NR3C2: variants seen among roughly 807,000 people sequenced by gnomAD.
The protein encoded by NR3C2 is mineralocorticoid receptor.
NR3C2 carries 15 observed loss-of-function variants against 86.4 expected under a neutral mutation model. That is an observed-to-expected ratio of 0.17 (90% CI 0.12 to 0.27). The LOEUF is 0.27. Among genes scored for constraint, NR3C2 ranks in the 10% least tolerant of loss-of-function variants. NR3C2 has a pLI of 1.00. For missense variants in NR3C2, 960 were observed against 1,195.6 expected, an observed-to-expected ratio of 0.80 and a Z score of 2.91; for synonymous variants, 458 against 450.5, an observed-to-expected ratio of 1.02 and a Z score of -0.21.
At chr4:148,241,180 C>T (rs554156473) in intron 3 of NR3C2, among the ~76,000 whole-genome samples, 22 of 151,442 alleles carry the variant, frequency 1.5e-4, no homozygotes, top group Non-Finnish European at 2.5e-4. Flanking sequence ...GTGGCGCACA[C>T]CTGTAGTCCC....
intron 2 of NR3C2, among the ~76,000 whole-genome samples, chr4:148,379,844 A>G (rs1746874042): frequency 6.8e-6 from 1 of 147,046 alleles, no homozygotes; most frequent in South Asian, 2.1e-4. Flanking sequence ...ATGCTCACTT[A>G]TTAAGTCCAT....
intron 4 of NR3C2, among the ~76,000 whole-genome samples, chr4:148,158,017 T>C (rs1025973968): frequency 1.3e-5 from 2 of 152,210 alleles, no homozygotes; most frequent in African/African-American, 4.8e-5. Context: ...ATTTTTAAAC[T>C]TCAATAATTA....
chr4:148,421,710 GATGT>G (rs1278393958), intron 2 of NR3C2, among the ~76,000 whole-genome samples: 1 of 152,040 alleles, frequency 6.6e-6, no homozygotes, highest in African/African-American at 2.4e-5. Flanking sequence ...CAGAATACTA[GATGT>G]ATTTATTCCC....
intron 2 of NR3C2, among the ~76,000 whole-genome samples, chr4:148,428,894 A>C (rs978234773): frequency 8.5e-5 from 13 of 152,150 alleles, no homozygotes; most frequent in African/African-American, 2.9e-4. Context: ...CAATATTTCC[A>C]TAACAACTCA....
rs554394794 is a variant in NR3C2, at chr4:148,403,436, G to A, written c.1757+31668C>T. Among the ~76,000 whole-genome samples the A allele has an allele frequency of 2.0e-4, 30 of 152,098 alleles. 1 individual carries two copies. The South Asian group carries it at 6.2e-3, about 32-fold the overall frequency. ...GAAAGTAGCCAAGTGTTGAAAGGAAGGTGATCAAGCCCATAGAAAAATACA... is the reference window on the plus strand; with the variant it reads ...GAAAGTAGCCAAGTGTTGAAAGGAAAGTGATCAAGCCCATAGAAAAATACA... On this transcript the variant is annotated intron_variant, in intron 2 of 8. Coordinates refer to ENST00000358102, the MANE Select transcript of NR3C2 (RefSeq NM_000901.5).
At chr4:148,433,465 AAAAG>A (rs1196393286) in intron 2 of NR3C2, among the ~76,000 whole-genome samples, 1 of 152,180 alleles carries the variant, frequency 6.6e-6, no homozygotes, top group East Asian at 1.9e-4. Flanking sequence ...ACAATGAAGA[AAAAG>A]AAAACTAAAA....
At chr4:148,142,475 G>A (rs1245257062) in intron 6 of NR3C2, among the ~76,000 whole-genome samples, 4 of 152,084 alleles carry the variant, frequency 2.6e-5, no homozygotes, top group Non-Finnish European at 5.9e-5. Flanking sequence ...GAGGTGATTG[G>A]ATCTCAGGGG....
chr4:148,380,925 T>C (rs1045929021), intron 2 of NR3C2, among the ~76,000 whole-genome samples: 19 of 152,194 alleles, frequency 1.2e-4, no homozygotes, highest in African/African-American at 4.3e-4. Flanking sequence ...ACACATATAA[T>C]ACACATATAC....
chr4:148,211,020 C>T, intron 3 of NR3C2, among the ~76,000 whole-genome samples: 1 of 152,192 alleles, frequency 6.6e-6, no homozygotes, highest in Admixed American at 6.5e-5. Flanking sequence ...GGTAGTAAAT[C>T]CAGAGATGGC....
upstream of NR3C2, chr4:148,442,738 G>T (rs948562087): frequency 4.1e-6 from 4 of 985,286 alleles, no homozygotes; most frequent in Admixed American, 2.5e-4. Flanking sequence ...CCGCAGCCGC[G>T]GCGGGAGCTT....
rs900503333 is a variant in NR3C2, at chr4:148,198,707, T to TA, written c.1898-3846dup. On this transcript the variant is annotated intron_variant, in intron 3 of 8. Coordinates refer to ENST00000358102, the MANE Select transcript of NR3C2 (RefSeq NM_000901.5). The stretch of plus-strand genomic sequence containing the variant: ...ACAAAGCCTGGCCTGAAGAAAGAAC[T>TA]AAAAAAAAAAAGAAAAAACTAAAAA... Among the ~76,000 whole-genome samples the TA allele has an allele frequency of 5.4e-3, 726 of 135,620 alleles. 10 individuals are homozygous for TA. Among genetic ancestry groups the TA allele is most frequent in the African/African-American group, 0.018 (680 of 37,098 alleles). 89.0% of individuals were successfully genotyped at this position (135,620 alleles called of 152,430 possible). A position where few individuals can be genotyped will look rare whatever the true frequency, so the allele number is the denominator to read the frequency against.
chr4:148,176,514 C>G (rs988096707), intron 4 of NR3C2, among the ~76,000 whole-genome samples: 3 of 152,162 alleles, frequency 2.0e-5, no homozygotes, highest in African/African-American at 7.2e-5. Context: ...TCCTGAGATG[C>G]CTCTACCTTT....
At chr4:148,412,943 C>CTTTTCCA (rs1273830462) in intron 2 of NR3C2, among the ~76,000 whole-genome samples, 2 of 152,158 alleles carry the variant, frequency 1.3e-5, no homozygotes, top group Non-Finnish European at 2.9e-5. Flanking sequence ...ATCACTTGAG[C>CTTTTCCA]TTTTCCAGTC....
At chr4:148,291,546 C>A (rs928573435) in intron 2 of NR3C2, among the ~76,000 whole-genome samples, 5 of 151,996 alleles carry the variant, frequency 3.3e-5, no homozygotes, top group Admixed American at 3.3e-4. Flanking sequence ...AAATCCAATT[C>A]TCTTTCATTC....
chr4:148,423,730 A>G (rs748842084), intron 2 of NR3C2, among the ~76,000 whole-genome samples: 8 of 152,316 alleles, frequency 5.3e-5, no homozygotes, highest in Non-Finnish European at 1.0e-4. Context: ...TTTTTGAAAC[A>G]GAGTCTCTGT....
At chr4:148,428,679 C>T (rs111751330) in intron 2 of NR3C2, among the ~76,000 whole-genome samples, 2,240 of 152,156 alleles carry the variant, frequency 0.015, 60 homozygotes, top group African/African-American at 0.049. Context: ...AAAAGATAGA[C>T]GCTTACATAG....
Position 148,420,269 on chromosome 4 carries a change from G to A in NR3C2, c.1757+14835C>T, listed in dbSNP as rs561592097. Among the ~76,000 whole-genome samples, 12 of 152,292 alleles carry A rather than the reference G, an allele frequency of 7.9e-5. 1 individual carries two copies. The South Asian group carries it at 2.3e-3, about 29-fold the overall frequency. ...GATGCAGACAAAGAAACTATAGGAT[G>A]ACACCATTCGAAACCTAGGATCTAA... On this transcript the variant is annotated intron_variant, in intron 2 of 8. Coordinates refer to ENST00000358102, the MANE Select transcript of NR3C2 (RefSeq NM_000901.5).
chr4:148,331,927 T>C (rs1744252419), intron 2 of NR3C2, among the ~76,000 whole-genome samples: 1 of 152,176 alleles, frequency 6.6e-6, no homozygotes, highest in African/African-American at 2.4e-5. Context: ...GAGTATCTGC[T>C]TTATACATTA....
rs574334597 is a variant in NR3C2 at position 148,123,863 on chromosome 4, C to T, written c.2511-3575G>A. Among the ~76,000 whole-genome samples the T allele has an allele frequency of 1.8e-3, 269 of 152,360 alleles. 2 individuals carry two copies. Among genetic ancestry groups the T allele is most frequent in the Admixed American group, 2.9e-3 (44 of 15,302 alleles). ...CCCAGTGTTTCTCTGACCACCATCA[C>T]TTCTTGCACTTTACTCCTGAGTTCA... On this transcript the variant is annotated intron_variant, in intron 6 of 8. Coordinates refer to ENST00000358102, the MANE Select transcript of NR3C2 (RefSeq NM_000901.5).
Sources: allele counts gnomAD v4.1 joint callset (sites outside exome capture counted in the v4.1 genomes callset), GRCh38; gene constraint gnomAD v4.1.1; transcripts MANE v1.5; gene names NCBI Gene and HGNC (gene_info 2026-07-23, HGNC 2026-07-21).